Variants in ANO10 observed in about 807,000 individuals in gnomAD.
ANO10 encodes the protein anoctamin 10, also known as anoctamin-10.
In ANO10, 77 loss-of-function variants were observed where a neutral mutation model predicts 74.7. The ratio of observed to expected loss-of-function variants is 1.03; its 90% confidence interval spans 0.86 to 1.25. ANO10 has a LOEUF of 1.25. Among genes scored for constraint, ANO10 ranks in the 50% most tolerant of loss-of-function variants. The pLI is 0.00. For missense variants in ANO10, 721 were observed against 778.1 expected (o/e 0.93, Z 0.87); for synonymous variants, 279 against 284.9 (o/e 0.98, Z 0.21).
At chr3:43,516,815 C>A (rs933857583) in intron 11 of ANO10, among the ~76,000 whole-genome samples, 1 of 152,064 alleles carries the variant, frequency 6.6e-6, no homozygotes, top group African/African-American at 2.4e-5. Flanking sequence ...ACAGTTTCAA[C>A]GTGAGTAACA....
intron 11 of ANO10, among the ~76,000 whole-genome samples, chr3:43,517,042 T>C (rs1373577431): frequency 1.3e-5 from 2 of 152,142 alleles, no homozygotes; most frequent in Non-Finnish European, 2.9e-5. Flanking sequence ...AGAGCTATGC[T>C]ATAAGAACAG....
intron 10 of ANO10, among the ~76,000 whole-genome samples, chr3:43,552,726 AT>A (rs2079538717): frequency 5.2e-5 from 5 of 95,602 alleles, no homozygotes; most frequent in African/African-American, 8.1e-5. Context: ...ATATATATAT[AT>A]ATGTATGTAT....
intron 11 of ANO10, among the ~76,000 whole-genome samples, chr3:43,517,956 A>C (rs765889760): frequency 1.3e-5 from 2 of 152,196 alleles, no homozygotes; most frequent in South Asian, 2.1e-4. Flanking sequence ...CAGTCTGCAG[A>C]TCACACTTTG....
chr3:43,439,177 T>C (rs1470631784), intron 11 of ANO10, among the ~76,000 whole-genome samples: 2 of 151,796 alleles, frequency 1.3e-5, no homozygotes, highest in Non-Finnish European at 2.9e-5. Context: ...AATTCCCAGA[T>C]TATCAGCAGA....
intron 12 of ANO10, among the ~76,000 whole-genome samples, chr3:43,371,434 G>A (rs1445973758): frequency 6.6e-6 from 1 of 152,148 alleles, no homozygotes; most frequent in Non-Finnish European, 1.5e-5. Flanking sequence ...CTGAGATGGA[G>A]CATCATGATC....
At chr3:43,445,502 T>A (rs2093231751) in intron 11 of ANO10, among the ~76,000 whole-genome samples, 1 of 152,138 alleles carries the variant, frequency 6.6e-6, no homozygotes, top group African/African-American at 2.4e-5. Context: ...TATATATTTA[T>A]CCCAAAATCA....
At chr3:43,381,159 G>T (rs902686076) in intron 12 of ANO10, among the ~76,000 whole-genome samples, 4 of 152,046 alleles carry the variant, frequency 2.6e-5, no homozygotes, top group Non-Finnish European at 5.9e-5. Context: ...TGACACATGG[G>T]GATTATGGAA....
chr3:43,448,145 C>A (rs1265210944), intron 11 of ANO10, among the ~76,000 whole-genome samples: 1 of 152,204 alleles, frequency 6.6e-6, no homozygotes, highest in Non-Finnish European at 1.5e-5. Flanking sequence ...AATCTGCCAG[C>A]ATCTTAATCT....
chr3:43,385,525 A>G (rs909091980), intron 12 of ANO10, among the ~76,000 whole-genome samples: 1 of 152,188 alleles, frequency 6.6e-6, no homozygotes, highest in Non-Finnish European at 1.5e-5. Flanking sequence ...CCATCAACCA[A>G]CGAGTGGATA....
At chr3:43,470,648 G>T (rs1020130351) in intron 11 of ANO10, among the ~76,000 whole-genome samples, 1 of 106,486 alleles carries the variant, frequency 9.4e-6, no homozygotes, top group Non-Finnish European at 2.3e-5. Context: ...TTATTTTGAG[G>T]CAGAGTTTCA....
chr3:43,519,778 G>T (rs917653777), intron 11 of ANO10, among the ~76,000 whole-genome samples: 1 of 152,104 alleles, frequency 6.6e-6, no homozygotes, highest in Non-Finnish European at 1.5e-5. Context: ...AGATCACGGG[G>T]CATATTTTTT....
At chr3:43,586,783 G>C (rs952893484) in intron 4 of ANO10, among the ~76,000 whole-genome samples, 1 of 152,088 alleles carries the variant, frequency 6.6e-6, no homozygotes, top group African/African-American at 2.4e-5. Context: ...ACCTCTGAGA[G>C]CTGAAGGAGA....
Position 43,578,058 on chromosome 3 carries a change from GT to G in ANO10, c.593-798del, listed in dbSNP as rs1025855114. Among the ~76,000 whole-genome samples the G allele has an allele frequency of 3.9e-5, 6 of 152,280 alleles. 1 individual carries two copies. The South Asian group carries it at 1.2e-3, about 32-fold the overall frequency. ...GCAGGGGGTGAGAGGAAGTGTGACA[GT>G]TGGTGTTATTATTTCTTAGTTAATA... On this transcript the variant is annotated intron_variant, in intron 5 of 12. Coordinates refer to ENST00000292246, the MANE Select transcript of ANO10 (RefSeq NM_018075.5).
In ANO10 at chr3:43,588,994, A is replaced by G. The variant is rs73084994; in HGVS notation, c.473-8522T>C. On this transcript the variant is annotated intron_variant, in intron 4 of 12. Coordinates refer to ENST00000292246, the MANE Select transcript of ANO10 (RefSeq NM_018075.5). ...ACACAAGAACTACATGACAAAATTA[A>G]CAATGTATACGTAATATAAATTAAC... 3.7e-3 allele frequency among the ~76,000 whole-genome samples: 561 copies of G among 152,320 alleles called. 3 individuals are homozygous for G. The highest frequency in any genetic ancestry group is 5.2e-3 in the Non-Finnish European group (353 of 68,026).
intron 4 of ANO10, among the ~76,000 whole-genome samples, chr3:43,588,935 A>G (rs992878991): frequency 3.9e-5 from 6 of 152,214 alleles, no homozygotes; most frequent in African/African-American, 1.4e-4. Context: ...AGAGATCTAG[A>G]GCTATGATGG....
At chr3:43,529,394 C>A (rs2078355000) in intron 11 of ANO10, among the ~76,000 whole-genome samples, 1 of 152,184 alleles carries the variant, frequency 6.6e-6, no homozygotes, top group Non-Finnish European at 1.5e-5. Context: ...GGGTTCATGG[C>A]CCACAGCATC....
intron 12 of ANO10, among the ~76,000 whole-genome samples, chr3:43,407,924 G>T (rs2092604407): frequency 6.6e-6 from 1 of 152,200 alleles, no homozygotes. Context: ...AGGGGCTGGG[G>T]TTTCTCTTGA....
chr3:43,637,677 G>A (rs572250095), intron 1 of ANO10: 2 of 151,312 alleles, frequency 1.3e-5, no homozygotes, highest in African/African-American at 4.9e-5. Flanking sequence ...ACAGCACTTT[G>A]TGTACAGAAA....
Position 43,410,326 on chromosome 3 carries a change from C to A in ANO10, c.1914+22285G>T, listed in dbSNP as rs996973347. Among the ~76,000 whole-genome samples, 18 of 152,236 alleles carry A rather than the reference C, an allele frequency of 1.2e-4. No individual in the cohort carries two copies. The East Asian group carries it at 3.5e-3, about 29-fold the overall frequency. On this transcript the variant is annotated intron_variant, in intron 12 of 12. Transcript: ENST00000292246. ...AGTACAGTGGTACAATTATAGCTCA[C>A]GGCATCCTTGAATTCCCGGGCTTAA...
Sources: gnomAD v4.1 joint callset for allele counts (sites outside exome capture counted in the v4.1 genomes callset) on GRCh38, gnomAD v4.1.1 for gene constraint, MANE v1.5 for transcripts, NCBI Gene and HGNC (gene_info 2026-07-23, HGNC 2026-07-21) for gene names.